The following F8 variants were observed in gnomAD, a reference collection of about 807,000 sequenced individuals.
The protein encoded by F8 is coagulation factor VIII.
F8 carries 12 observed loss-of-function variants against 140.6 expected under a neutral mutation model. The ratio of observed to expected loss-of-function variants is 0.09; its 90% confidence interval spans 0.05 to 0.14. F8 has a LOEUF of 0.14. Among genes scored for constraint, F8 ranks in the 10% least tolerant of loss-of-function variants. F8 has a pLI of 1.00. For missense variants in F8, 1,354 were observed against 1,720.7 expected (o/e 0.79, Z 3.77); for synonymous variants, 585 against 614.6 (o/e 0.95, Z 0.71).
intron 22 of F8, among the ~76,000 whole-genome samples, chrX:154,868,672 A>T (rs782651723): frequency 6.5e-4 from 73 of 111,930 alleles, no homozygotes; most frequent in African/African-American, 2.2e-3. Context: ...CATCATAATG[A>T]CAGGATCAAA....
chrX:154,863,262 T>C (rs782466848), intron 22 of F8, 35 bp from the exon 23 acceptor site: 22 of 1,187,472 alleles, frequency 1.9e-5, no homozygotes, highest in Middle Eastern at 2.3e-4. Flanking sequence ...ACATGGAAAG[T>C]GAATACAGAG....
At position 154,873,228 on chromosome X, in the gene F8, CT is replaced by C. The variant is rs1190861463; in HGVS notation, c.6430-10002del. On this transcript the variant is annotated intron_variant, in intron 22 of 25. Coordinates refer to ENST00000360256, the MANE Select transcript of F8 (RefSeq NM_000132.4). ...AAAGACCCCAAGGAGGCAAAGCAAT[CT>C]TTTTTTTTTTTTTTTGAGACAGAGT... is the stretch of plus-strand genomic sequence containing the variant. 4.2e-3 allele frequency among the ~76,000 whole-genome samples: 411 copies of C among 96,808 alleles called. 1 individual carries two copies. Among genetic ancestry groups the C allele is most frequent in the Admixed American group, 8.6e-3 (77 of 8,967 alleles). 84.1% of individuals were successfully genotyped at this position (96,808 alleles called of 115,157 possible).
intron 25 of F8, among the ~76,000 whole-genome samples, chrX:154,860,128 C>A (rs1391584490): frequency 8.9e-6 from 1 of 111,738 alleles, no homozygotes; most frequent in African/African-American, 3.3e-5. Flanking sequence ...ATCCAGCAAA[C>A]CCAGATTAAG....
chrX:154,962,069 T>G (rs916930874), intron 9 of F8, among the ~76,000 whole-genome samples: 1 of 112,216 alleles, frequency 8.9e-6, no homozygotes, highest in African/African-American at 3.2e-5. Flanking sequence ...CATGTGTGGT[T>G]GCAGGTGCCC....
At chrX:154,863,637 C>T (rs36071615) in intron 22 of F8, among the ~76,000 whole-genome samples, 22 of 110,555 alleles carry the variant, frequency 2.0e-4, no homozygotes, top group Non-Finnish European at 3.8e-4. Context: ...CTCTTGTTCC[C>T]CCACAGGAAC....
chrX:154,895,766 G>A (rs1557275571), intron 22 of F8, among the ~76,000 whole-genome samples: 1 of 111,271 alleles, frequency 9.0e-6, no homozygotes, highest in Non-Finnish European at 1.9e-5. Flanking sequence ...ACTGCCTGCT[G>A]GACATTTCAA....
chrX:154,837,944 A>G (rs2072487682), intron 25 of F8, among the ~76,000 whole-genome samples, 192 bp from the exon 26 acceptor site: 1 of 111,689 alleles, frequency 9.0e-6, no homozygotes, highest in Admixed American at 9.5e-5. Flanking sequence ...CCTTCACTCT[A>G]GCTAGGCCTT....
At position 154,860,500 on chromosome X, in the gene F8, C is replaced by G. The variant is rs988099238; in HGVS notation, c.6832G>C (p.Glu2278Gln). 4.1e-6 allele frequency: 5 copies of G among 1,210,908 alleles called. No homozygotes were observed. The highest frequency in any genetic ancestry group is 5.6e-6 in the Non-Finnish European group (5 of 894,925). The change falls in exon 25 of 26, where the codon GAG becomes CAG. Residue 2278 changes from glutamate to glutamine, a missense_variant. By Grantham distance (29) the Glu-to-Gln change is conservative (BLOSUM62 2). Transcript: ENST00000360256. ...KSLLTSMYVK[E>Q]FLISSSQDGH... ...TCTTGACTGCTGGAGATGAGGAACT[C>G]CTTCACATACATGCTGGTAAGCAGA...
chrX:154,946,208 C>T (rs782805452), intron 13 of F8, among the ~76,000 whole-genome samples: 24 of 111,834 alleles, frequency 2.1e-4, no homozygotes, highest in African/African-American at 7.5e-4. Flanking sequence ...AAGTTTTTCA[C>T]AGAAATAGAA....
At chrX:154,906,683 A>C in intron 14 of F8, 110 bp from the exon 15 acceptor site, 1 of 678,361 alleles carries the variant, frequency 1.5e-6, no homozygotes. Context: ...ATAGTTAACC[A>C]CTTCATCTTC....
intron 11 of F8, among the ~76,000 whole-genome samples, chrX:154,956,131 T>C (rs781868674): frequency 5.3e-5 from 6 of 112,476 alleles, no homozygotes; most frequent in Admixed American, 1.9e-4. Flanking sequence ...AAGAGAAATA[T>C]GACTCTGTTC....
chrX:154,968,037 T>C (rs1056354523), intron 7 of F8, among the ~76,000 whole-genome samples: 1 of 111,894 alleles, frequency 8.9e-6, no homozygotes, highest in African/African-American at 3.3e-5. Context: ...GAAATGCTAT[T>C]AAATATAAAA....
At chrX:155,011,296 T>A (rs1043513290) in intron 1 of F8, among the ~76,000 whole-genome samples, 2 of 112,289 alleles carry the variant, frequency 1.8e-5, no homozygotes, top group South Asian at 3.6e-4. Flanking sequence ...AATAAACACA[T>A]GAAAAGACTC....
At chrX:154,917,197 A>G (rs963138242) in intron 14 of F8, among the ~76,000 whole-genome samples, 1 of 111,967 alleles carries the variant, frequency 8.9e-6, no homozygotes, top group Admixed American at 9.4e-5. Flanking sequence ...CCTAATATAT[A>G]GTCTATCCTG....
intron 13 of F8, among the ~76,000 whole-genome samples, chrX:154,940,578 T>G (rs1406723511): frequency 8.9e-6 from 1 of 112,225 alleles, no homozygotes; most frequent in African/African-American, 3.2e-5. Flanking sequence ...GGAACCAAGT[T>G]GGAAAACACT....
intron 22 of F8, among the ~76,000 whole-genome samples, chrX:154,863,713 T>C (rs1392755950): frequency 9.0e-6 from 1 of 110,503 alleles, no homozygotes; most frequent in East Asian, 2.8e-4. Flanking sequence ...AGGTAGGAGG[T>C]TGAGAAACCC....
chrX:154,963,293 G>T (rs979633135), intron 9 of F8, among the ~76,000 whole-genome samples: 8 of 111,991 alleles, frequency 7.1e-5, no homozygotes, highest in African/African-American at 2.0e-4. Context: ...TGTATCCTGA[G>T]ACTTTGCTGA....
In F8 at chrX:154,969,277, T is replaced by C. The variant is rs188074189; in HGVS notation, c.1009+54A>G. The C allele has an allele frequency of 2.0e-4, 218 of 1,079,982 alleles. 1 individual carries two copies. Among genetic ancestry groups the C allele is most frequent in the Middle Eastern group, 1.0e-3 (4 of 3,981 alleles). 89.0% of individuals were successfully genotyped at this position (1,079,982 alleles called of 1,213,427 possible). On this transcript the variant is annotated intron_variant, in intron 7 of 25. Coordinates refer to ENST00000360256, the MANE Select transcript of F8 (RefSeq NM_000132.4). ...CCTGTACATTGTCCAGTAAATTTTA[T>C]TAAAAGTAGGACTGGATATTTATAA...
chrX:154,876,415 G>C (rs1264473978), intron 22 of F8, among the ~76,000 whole-genome samples: 1 of 111,294 alleles, frequency 9.0e-6, no homozygotes, highest in Admixed American at 9.5e-5. Flanking sequence ...CACCGTGCCC[G>C]GCTGGAAATT....
Sources: gnomAD v4.1 joint callset for allele counts (sites outside exome capture counted in the v4.1 genomes callset) on GRCh38, gnomAD v4.1.1 for gene constraint, MANE v1.5 for transcripts, NCBI Gene and HGNC (gene_info 2026-07-23, HGNC 2026-07-21) for gene names.